MCF2L: variants seen among roughly 807,000 people sequenced by gnomAD.
MCF2L encodes the protein guanine nucleotide exchange factor DBS.
In MCF2L, 97 loss-of-function variants were observed where a neutral mutation model predicts 153.4. The observed-to-expected ratio is 0.63, with a 90% CI of 0.54 to 0.75. The LOEUF is 0.75. Among genes scored for constraint, MCF2L ranks in the 30% least tolerant of loss-of-function variants. MCF2L has a pLI of 0.00. For missense variants in MCF2L, 1,347 were observed against 1,495.2 expected, an observed-to-expected ratio of 0.90 and a Z score of 1.64; for synonymous variants, 659 against 632.2, an observed-to-expected ratio of 1.04 and a Z score of -0.64.
intron 2 of MCF2L, among the ~76,000 whole-genome samples, chr13:113,024,082 A>G (rs1037375262): frequency 5.9e-5 from 9 of 152,204 alleles, no homozygotes; most frequent in African/African-American, 9.6e-5. Context: ...CAGCAGGCAG[A>G]CCTGGAGCCC....
chr13:112,966,660 G>A (rs2081897389), upstream of MCF2L, among the ~76,000 whole-genome samples: 1 of 152,160 alleles, frequency 6.6e-6, no homozygotes, highest in African/African-American at 2.4e-5. This position sits in a 1 kb window ranked among gnomAD's most constrained non-coding sequence, Gnocchi z 4.1. Context: ...ATTGGCCAGG[G>A]GACAGAGTGG....
intron 27 of MCF2L, 185 bp from the exon 28 acceptor site, chr13:113,096,186 C>T (rs1245908972): frequency 1.8e-5 from 11 of 605,774 alleles, no homozygotes; most frequent in East Asian, 1.7e-4. Flanking sequence ...CTTCCATCGC[C>T]GCTGCGGTAG....
chr13:112,915,423 A>AAAAAAAAAT (rs1444673708), intron 2 of MCF2L, among the ~76,000 whole-genome samples: 1 of 150,312 alleles, frequency 6.7e-6, no homozygotes. Flanking sequence ...AAAAAAAAAA[A>AAAAAAAAAT]AATCCATCCT....
chr13:113,022,943 T>C (rs955180691), intron 2 of MCF2L, among the ~76,000 whole-genome samples: 3 of 152,228 alleles, frequency 2.0e-5, no homozygotes, highest in African/African-American at 7.2e-5. Context: ...TATTGAGCAC[T>C]GCATGGGGCA....
At chr13:113,029,650 G>T (rs1014649477) in intron 3 of MCF2L, among the ~76,000 whole-genome samples, 8 of 152,214 alleles carry the variant, frequency 5.3e-5, no homozygotes, top group Non-Finnish European at 1.0e-4. Flanking sequence ...TCTTCCCAAG[G>T]TGGGGGCGGG....
chr13:113,008,904 A>C (rs2083889311), intron 1 of MCF2L: 1 of 152,260 alleles, frequency 6.6e-6, no homozygotes, highest in Admixed American at 6.5e-5. Flanking sequence ...CCTGCATCAG[A>C]GAACCCAGGT....
In MCF2L at chr13:112,928,178, G is replaced by A. The variant is rs183261383; in HGVS notation, c.169+25807G>A. On this transcript the variant is annotated intron_variant, in intron 2 of 29. Coordinates refer to the MCF2L transcript ENST00000375608. ...TGTCTGGGGTTTGCCTTGGATTGAT[G>A]GTGGTGGGCAGCCGTTGCTGGGGAT... 5.4e-4 allele frequency among the ~76,000 whole-genome samples: 83 copies of A among 152,360 alleles called. No individual in the cohort carries two copies. In the East Asian group the frequency reaches 0.015, roughly 27 times the overall value.
chr13:112,993,977 G>C lies in MCF2L; in HGVS notation c.80-20786G>C, dbSNP rs1251959903. ...GCAGCAAACACACCTTCATTTTAAA[G>C]ACAGCAGAGGAGGGGTGGGGTGGGA... is the stretch of plus-strand genomic sequence containing the variant. On this transcript the variant is annotated intron_variant, in intron 1 of 29. Transcript: ENST00000535094. The surrounding 1 kb of genome is among the most constrained non-coding windows in gnomAD (Gnocchi z 4.6). Among the ~76,000 whole-genome samples the C allele has an allele frequency of 7.6e-6, 1 of 132,352 alleles. No homozygotes were observed. The highest frequency in any genetic ancestry group is 2.8e-4 in the South Asian group (1 of 3,618). 86.8% of individuals were successfully genotyped at this position (132,352 alleles called of 152,430 possible).
In MCF2L at chr13:113,070,369, C is replaced by A; in HGVS notation, c.996+196C>A. 2.3e-6 allele frequency: 1 copy of A among 435,032 alleles called. No individual in the cohort carries two copies. Among genetic ancestry groups the A allele is most frequent in the Non-Finnish European group, 4.1e-6 (1 of 246,802 alleles). The allele number at this position is 435,032 out of a possible 1,614,324, so 26.9% of individuals were successfully genotyped here. ...CCTTGAAATGCACGATTGATGACTG[C>A]GTCATTGTATAGAAAGGTGATTGAA... is the stretch of plus-strand genomic sequence containing the variant. On this transcript the variant is annotated intron_variant, in intron 9 of 29. Transcript: ENST00000535094. This position sits in a 1 kb window ranked among gnomAD's most constrained non-coding sequence, Gnocchi z 5.6.
At chr13:113,093,158 C>G (rs572942369) in intron 26 of MCF2L, among the ~76,000 whole-genome samples, 1 of 152,370 alleles carries the variant, frequency 6.6e-6, no homozygotes, top group South Asian at 2.1e-4. Flanking sequence ...CCAGTCCCTG[C>G]TGCTGTAGAG....
chr13:112,979,302 G>A, intron 1 of MCF2L: 4 of 1,150,284 alleles, frequency 3.5e-6, no homozygotes, highest in Non-Finnish European at 4.3e-6. Context: ...GTTCGAGGAA[G>A]GAAAGGCCCA....
chr13:112,963,658 C>T (rs946836279), intron 2 of MCF2L, among the ~76,000 whole-genome samples: 5 of 152,212 alleles, frequency 3.3e-5, no homozygotes, highest in African/African-American at 1.2e-4. Flanking sequence ...TGAGTTCTAA[C>T]CCCCAGCGCC....
At chr13:112,954,152 G>A (rs1026552309) in intron 2 of MCF2L, among the ~76,000 whole-genome samples, 3 of 152,184 alleles carry the variant, frequency 2.0e-5, no homozygotes, top group African/African-American at 7.2e-5. Context: ...CGAGGAGAGG[G>A]GAGGTGGCCT....
chr13:112,980,841 G>A (rs1189360719), intron 1 of MCF2L, among the ~76,000 whole-genome samples: 1 of 152,220 alleles, frequency 6.6e-6, no homozygotes, highest in Non-Finnish European at 1.5e-5. Context: ...GCCAGGGGCT[G>A]TGCGTGAATC....
rs371026825 is a variant in MCF2L, at chr13:113,064,578, C to T, written c.606+158C>T. On this transcript the variant is annotated intron_variant, in intron 6 of 29. Transcript: ENST00000535094. This position sits in a 1 kb window ranked among gnomAD's most constrained non-coding sequence, Gnocchi z 6.0. ...GGAGATGGTCTCAGTGGACCTTAGTCATTGTAAAGAAGTAACGTGAGTCAT... is the reference window on the plus strand; with the variant it reads ...GGAGATGGTCTCAGTGGACCTTAGTTATTGTAAAGAAGTAACGTGAGTCAT... The T allele has an allele frequency of 4.4e-5, 26 of 589,732 alleles. No individual in the cohort carries two copies. The African/African-American group carries it at 4.5e-4, about 10-fold the overall frequency. The allele number at this position is 589,732 out of a possible 1,614,324, so 36.5% of individuals were successfully genotyped here.
chr13:113,018,200 G>C (rs1397326799), intron 2 of MCF2L, among the ~76,000 whole-genome samples: 1 of 152,182 alleles, frequency 6.6e-6, no homozygotes, highest in African/African-American at 2.4e-5. Flanking sequence ...GTACGTTGCC[G>C]CCCAAAGTCA....
Position 113,074,701 on chromosome 13 carries a change from G to A in MCF2L, c.1116+138G>A. The A allele has an allele frequency of 7.6e-7, 1 of 1,319,374 alleles. No homozygotes were observed. Among genetic ancestry groups the A allele is most frequent in the South Asian group, 1.4e-5 (1 of 71,152 alleles). 81.7% of individuals were successfully genotyped at this position (1,319,374 alleles called of 1,614,324 possible). On this transcript the variant is annotated intron_variant, in intron 10 of 29. Transcript: ENST00000535094. The surrounding 1 kb of genome is among the most constrained non-coding windows in gnomAD (Gnocchi z 4.2). ...CCCCGGGGATGTCCATGGGGTGGGG[G>A]GTGCTGCTGCCTGTACCCCTCCCCT...
intron 2 of MCF2L, among the ~76,000 whole-genome samples, chr13:112,912,543 C>T (rs1020319582): frequency 6.6e-6 from 1 of 152,156 alleles, no homozygotes. Context: ...TCTCGAACTC[C>T]TGACCTCAGG....
chr13:112,968,091 G>C (rs2081923713), upstream of MCF2L: 1 of 205,078 alleles, frequency 4.9e-6, no homozygotes, highest in South Asian at 5.6e-5. Flanking sequence ...ACTTCTTCCT[G>C]CTGGAATTCT....
Sources: allele counts gnomAD v4.1 joint callset (sites outside exome capture counted in the v4.1 genomes callset), GRCh38; gene constraint gnomAD v4.1.1; non-coding constraint Gnocchi (gnomAD v3.1); transcripts MANE v1.5; gene names NCBI Gene and HGNC (gene_info 2026-07-23, HGNC 2026-07-21).